The following CD96 variants were observed in gnomAD, a reference collection of about 807,000 sequenced individuals.
The protein encoded by CD96 is T-cell surface protein tactile.
A neutral mutation model predicts 71.3 loss-of-function variants in CD96; 70 were observed. That is an observed-to-expected ratio of 0.98 (90% CI 0.81 to 1.20). CD96 has a LOEUF of 1.20. CD96 is among the 50% of genes most tolerant of loss of function. The probability of loss-of-function intolerance (pLI) is 0.00; values close to 1 mark genes in which losing one functional copy is unlikely to be tolerated. For missense variants in CD96, 742 were observed against 677.5 expected, an observed-to-expected ratio of 1.10 and a Z score of -1.06; for synonymous variants, 248 against 233.0, an observed-to-expected ratio of 1.06 and a Z score of -0.59.
At chr3:111,613,329 C>G (rs1576390508) in intron 8 of CD96, among the ~76,000 whole-genome samples, 1 of 152,158 alleles carries the variant, frequency 6.6e-6, no homozygotes, top group Admixed American at 6.5e-5. Context: ...GTCCTGAAAC[C>G]CTTTCTGGAC....
At chr3:111,625,419 A>G (rs1489729913) in intron 10 of CD96, among the ~76,000 whole-genome samples, 6 of 152,194 alleles carry the variant, frequency 3.9e-5, no homozygotes, top group Admixed American at 2.6e-4. Context: ...GTACCCAAAT[A>G]TAAGAATTGA....
rs1226957087 is a variant in CD96 at position 111,542,328 on chromosome 3, C to G, written c.61+19C>G. ...GTCAAGGGTAAGACTTCCAGTTGTC[C>G]CTTCTTGTCGGATGGGCCGCTTTAG... On this transcript the variant is annotated intron_variant, in intron 1 of 13. Transcript: ENST00000352690. 6.2e-7 allele frequency: 1 copy of G among 1,605,904 alleles called. No individual in the cohort carries two copies. The highest frequency in any genetic ancestry group is 2.2e-5 in the East Asian group (1 of 44,828).
chr3:111,562,036 C>T (rs1935459828), intron 2 of CD96, among the ~76,000 whole-genome samples: 1 of 152,228 alleles, frequency 6.6e-6, no homozygotes, highest in African/African-American at 2.4e-5. Flanking sequence ...TTGCACTTCC[C>T]AGGTGAGGCA....
intron 5 of CD96, among the ~76,000 whole-genome samples, chr3:111,589,242 G>GCC (rs1430761420): frequency 1.3e-5 from 2 of 152,150 alleles, no homozygotes; most frequent in Non-Finnish European, 2.9e-5. Context: ...GAGCCACCAT[G>GCC]CCCGGCCTGT....
At chr3:111,614,714 C>T (rs867675439) in intron 8 of CD96, among the ~76,000 whole-genome samples, 1 of 152,186 alleles carries the variant, frequency 6.6e-6, no homozygotes, top group Non-Finnish European at 1.5e-5. Flanking sequence ...GTGGCCCTGT[C>T]TCTCTTCTCC....
chr3:111,601,150 T>C (rs2107650846), intron 7 of CD96, among the ~76,000 whole-genome samples: 1 of 152,340 alleles, frequency 6.6e-6, no homozygotes, highest in Non-Finnish European at 1.5e-5. Context: ...TTCTGCTGCA[T>C]ACAGAAAATT....
At chr3:111,566,492 A>G (rs933465981) in intron 2 of CD96, among the ~76,000 whole-genome samples, 28 of 152,196 alleles carry the variant, frequency 1.8e-4, no homozygotes, top group African/African-American at 6.0e-4. Flanking sequence ...TAAAGTAACA[A>G]CATATATAAC....
At chr3:111,615,721 C>T (rs910623866) in intron 8 of CD96, among the ~76,000 whole-genome samples, 5 of 152,100 alleles carry the variant, frequency 3.3e-5, no homozygotes, top group Non-Finnish European at 7.4e-5. Context: ...ACCAGGCTCA[C>T]AAGGACCAAC....
chr3:111,571,808 T>G (rs1935997453), intron 3 of CD96, among the ~76,000 whole-genome samples: 2 of 152,264 alleles, frequency 1.3e-5, no homozygotes, highest in Non-Finnish European at 2.9e-5. Flanking sequence ...GGCTGTAGGA[T>G]TCAGCCAGTC....
At chr3:111,562,382 T>A (rs1044532230) in intron 2 of CD96, among the ~76,000 whole-genome samples, 1 of 152,104 alleles carries the variant, frequency 6.6e-6, no homozygotes, top group African/African-American at 2.4e-5. Flanking sequence ...CATTAAAAAA[T>A]ATATATATAT....
chr3:111,624,212 A>C, intron 9 of CD96, 121 bp from the exon 10 acceptor site: 1 of 751,342 alleles, frequency 1.3e-6, no homozygotes, highest in African/African-American at 1.7e-5. Flanking sequence ...TGCATAGGGA[A>C]GCACATTTTC....
intron 3 of CD96, among the ~76,000 whole-genome samples, chr3:111,569,742 T>C (rs1032407702): frequency 2.0e-5 from 3 of 152,242 alleles, no homozygotes; most frequent in Non-Finnish European, 4.4e-5. Flanking sequence ...TTTATGTGAG[T>C]CTGAGCTTCT....
chr3:111,575,892 A>C (rs570375777), intron 3 of CD96, among the ~76,000 whole-genome samples: 19 of 152,378 alleles, frequency 1.2e-4, no homozygotes, highest in African/African-American at 4.3e-4. Flanking sequence ...TTCACCTCCC[A>C]ACACTATGCC....
chr3:111,545,435 T>A, intron 2 of CD96, 33 bp downstream of exon 2: 1 of 1,290,636 alleles, frequency 7.7e-7, no homozygotes, highest in Non-Finnish European at 1.1e-6. Flanking sequence ...TGTGCTTTCA[T>A]TCAGCTCTCT....
chr3:111,550,935 C>G (rs2107481401), intron 2 of CD96, among the ~76,000 whole-genome samples: 1 of 152,140 alleles, frequency 6.6e-6, no homozygotes, highest in Middle Eastern at 3.4e-3. Flanking sequence ...TACATAGTGC[C>G]ACATTTGGAT....
intron 2 of CD96, among the ~76,000 whole-genome samples, chr3:111,561,269 G>C (rs889151257): frequency 6.7e-6 from 1 of 150,312 alleles, no homozygotes. Flanking sequence ...TGTTCCTTTG[G>C]AGGAGGAGAG....
chr3:111,589,415 C>T (rs576853741), intron 5 of CD96, among the ~76,000 whole-genome samples: 63 of 152,238 alleles, frequency 4.1e-4, no homozygotes, highest in South Asian at 3.3e-3. Flanking sequence ...TCTTCTCTAC[C>T]CTTGCTTTAG....
intron 10 of CD96, among the ~76,000 whole-genome samples, chr3:111,633,521 A>C (rs1041708146): frequency 2.0e-5 from 3 of 152,110 alleles, no homozygotes; most frequent in African/African-American, 7.2e-5. Context: ...AATAAAAATA[A>C]AAAAAACAAA....
At chr3:111,591,371 T>TAAAAAAAAAAAAA (rs3082283) in intron 5 of CD96, among the ~76,000 whole-genome samples, 1 of 88,108 alleles carries the variant, frequency 1.1e-5, no homozygotes, top group African/African-American at 4.6e-5. Flanking sequence ...GACTCCATCT[T>TAAAAAAAAAAAAA]AAAAAAAAAA....
Sources: allele counts gnomAD v4.1 joint callset (sites outside exome capture counted in the v4.1 genomes callset), GRCh38; gene constraint gnomAD v4.1.1; transcripts MANE v1.5; gene names NCBI Gene and HGNC (gene_info 2026-07-23, HGNC 2026-07-21).